ARHGEF7: variants seen among roughly 807,000 people sequenced by gnomAD.
ARHGEF7 encodes the protein PAK-interacting exchange factor beta.
ARHGEF7 carries 33 observed loss-of-function variants against 109.8 expected under a neutral mutation model. That is an observed-to-expected ratio of 0.30 (90% CI 0.23 to 0.40). The LOEUF is 0.40. Ranked by LOEUF, ARHGEF7 falls within the 10% of genes least tolerant of loss-of-function variation. The probability of loss-of-function intolerance (pLI) is 1.00; values close to 1 mark genes in which losing one functional copy is unlikely to be tolerated. For missense variants in ARHGEF7, 938 were observed against 1,098.5 expected (o/e 0.85, Z 2.07); for synonymous variants, 458 against 424.6 (o/e 1.08, Z -0.97).
intron 2 of ARHGEF7, 44 bp from the exon 3 acceptor site, chr13:111,205,245 A>G (rs377214831): frequency 9.9e-6 from 15 of 1,509,186 alleles, no homozygotes; most frequent in Non-Finnish European, 1.1e-5. Flanking sequence ...CCTGCACCCA[A>G]CATAAGACTC....
At chr13:111,244,340 G>T in intron 8 of ARHGEF7, 46 bp downstream of exon 8, 2 of 1,074,232 alleles carry the variant, frequency 1.9e-6, no homozygotes, top group South Asian at 2.9e-5. Context: ...TGGTATAATT[G>T]GTATTTAAAG....
chr13:111,243,246 T>G (rs2088134657), intron 6 of ARHGEF7, among the ~76,000 whole-genome samples: 1 of 152,126 alleles, frequency 6.6e-6, no homozygotes. Context: ...TAGTTGAGAG[T>G]AATATTACAT....
intron 1 of ARHGEF7, among the ~76,000 whole-genome samples, chr13:111,127,045 A>G (rs1256964610): frequency 6.6e-6 from 1 of 152,200 alleles, no homozygotes; most frequent in African/African-American, 2.4e-5. Context: ...ACTGATTAGG[A>G]AAAACGGGGA....
intron 18 of ARHGEF7, among the ~76,000 whole-genome samples, chr13:111,290,567 AG>A (rs1187461278): frequency 6.8e-6 from 1 of 147,140 alleles, no homozygotes; most frequent in East Asian, 1.9e-4. Context: ...TATGTGTCAT[AG>A]TGCCCACCAC....
intron 2 of ARHGEF7, among the ~76,000 whole-genome samples, chr13:111,172,661 C>T (rs1285461775): frequency 6.6e-6 from 1 of 152,206 alleles, no homozygotes; most frequent in Non-Finnish European, 1.5e-5. Context: ...AGTAAAAACA[C>T]CCTACAGACT....
At chr13:111,195,730 G>A (rs540959014) in intron 2 of ARHGEF7, among the ~76,000 whole-genome samples, 4 of 152,246 alleles carry the variant, frequency 2.6e-5, no homozygotes, top group Admixed American at 6.5e-5. Context: ...TGGATGAGGG[G>A]GTGGCTTCTC....
At chr13:111,169,206 G>C (rs2077377052) in intron 2 of ARHGEF7, among the ~76,000 whole-genome samples, 2 of 152,188 alleles carry the variant, frequency 1.3e-5, no homozygotes, top group South Asian at 4.1e-4. Context: ...CGTGTGTTAG[G>C]AGAGAATTGC....
chr13:111,216,861 C>A (rs984995072), intron 4 of ARHGEF7, among the ~76,000 whole-genome samples: 3 of 152,216 alleles, frequency 2.0e-5, no homozygotes, highest in Non-Finnish European at 4.4e-5. Flanking sequence ...CTGTCCGGGG[C>A]AGATGGAAAT....
intron 2 of ARHGEF7, among the ~76,000 whole-genome samples, chr13:111,168,217 G>C (rs2077287235): frequency 6.6e-6 from 1 of 151,606 alleles, no homozygotes; most frequent in Non-Finnish European, 1.5e-5. Flanking sequence ...CCCTGTGCCT[G>C]CTTCTCTGCC....
chr13:111,237,499 CTTTAA>C (rs2086997162), intron 6 of ARHGEF7, among the ~76,000 whole-genome samples: 1 of 152,178 alleles, frequency 6.6e-6, no homozygotes, highest in South Asian at 2.1e-4. Flanking sequence ...TGATCAAGTT[CTTTAA>C]TTTAGGGCTT....
chr13:111,183,486 C>T (rs777431632), intron 2 of ARHGEF7, among the ~76,000 whole-genome samples: 29 of 152,088 alleles, frequency 1.9e-4, no homozygotes, highest in Non-Finnish European at 3.8e-4. Flanking sequence ...CTCACACCTC[C>T]GGCATCATCT....
chr13:111,198,604 G>T (rs2080849155), intron 2 of ARHGEF7, among the ~76,000 whole-genome samples: 1 of 152,158 alleles, frequency 6.6e-6, no homozygotes, highest in Admixed American at 6.5e-5. Flanking sequence ...CCTCCTGGTG[G>T]GTTCGTGGTC....
intron 1 of ARHGEF7, among the ~76,000 whole-genome samples, chr13:111,139,816 G>A (rs530652985): frequency 2.6e-4 from 39 of 152,248 alleles, no homozygotes; most frequent in Non-Finnish European, 4.4e-4. Context: ...CTGCAGGTGG[G>A]CAGTCCTGGG....
At chr13:111,302,604 C>T (rs2093595236) in intron 21 of ARHGEF7, among the ~76,000 whole-genome samples, 2 of 152,198 alleles carry the variant, frequency 1.3e-5, no homozygotes, top group Non-Finnish European at 2.9e-5. Flanking sequence ...CCCACTTGCT[C>T]CTGCACCTGT....
At chr13:111,141,201 G>A (rs2075328711) in intron 1 of ARHGEF7, among the ~76,000 whole-genome samples, 1 of 152,028 alleles carries the variant, frequency 6.6e-6, no homozygotes, top group Non-Finnish European at 1.5e-5. Flanking sequence ...ACTGTGTGTT[G>A]TATGTTCTGT....
At chr13:111,260,494 C>T (rs1207113295) in intron 8 of ARHGEF7, among the ~76,000 whole-genome samples, 1 of 152,182 alleles carries the variant, frequency 6.6e-6, no homozygotes, top group Non-Finnish European at 1.5e-5. Context: ...AACCTTTTAT[C>T]CTAGGATAGT....
At chr13:111,202,624 C>T (rs1003145985) in intron 2 of ARHGEF7, among the ~76,000 whole-genome samples, 1 of 152,170 alleles carries the variant, frequency 6.6e-6, no homozygotes, top group African/African-American at 2.4e-5. Flanking sequence ...TTTAATAACC[C>T]TAGGGAACAA....
intron 2 of ARHGEF7, chr13:111,186,887 C>T: frequency 5.1e-6 from 5 of 985,524 alleles, no homozygotes; most frequent in Non-Finnish European, 6.0e-6. Context: ...AAAAAGACGA[C>T]TACTTCTTTC....
At chr13:111,269,960 C>T (rs943273906) in intron 9 of ARHGEF7, among the ~76,000 whole-genome samples, 1 of 152,172 alleles carries the variant, frequency 6.6e-6, no homozygotes, top group Non-Finnish European at 1.5e-5. Flanking sequence ...GACTAATCTG[C>T]TCATGCTGTG....
Sources: allele counts gnomAD v4.1 joint callset (sites outside exome capture counted in the v4.1 genomes callset), GRCh38; gene constraint gnomAD v4.1.1; transcripts MANE v1.5; gene names NCBI Gene and HGNC (gene_info 2026-07-23, HGNC 2026-07-21).